The following RTN4IP1 variants were observed in gnomAD, a reference collection of about 807,000 sequenced individuals.
The protein encoded by RTN4IP1 is reticulon 4 interacting protein 1.
A neutral mutation model predicts 46.6 loss-of-function variants in RTN4IP1; 32 were observed. The observed-to-expected ratio is 0.69, with a 90% CI of 0.52 to 0.92. The LOEUF is 0.92. Ranked by LOEUF, RTN4IP1 falls within the 40% of genes least tolerant of loss-of-function variation. The pLI, the probability that RTN4IP1 is intolerant of heterozygous loss-of-function variation, is 0.00. For synonymous variants in RTN4IP1, 167 were observed against 161.8 expected (o/e 1.03, Z -0.24); for missense variants, 424 against 485.8 (o/e 0.87, Z 1.20).
At chr6:106,618,407 T>C (rs1052299193) in intron 4 of RTN4IP1, among the ~76,000 whole-genome samples, 2 of 152,270 alleles carry the variant, frequency 1.3e-5, no homozygotes, top group African/African-American at 2.4e-5. Context: ...GTTTTCTCTA[T>C]GATGGCAACT....
intron 4 of RTN4IP1, among the ~76,000 whole-genome samples, chr6:106,604,488 T>C (rs1320733134): frequency 1.3e-5 from 2 of 152,136 alleles, no homozygotes; most frequent in Non-Finnish European, 2.9e-5. Flanking sequence ...TCTGACCTTC[T>C]CTCACCATCC....
intron 5 of RTN4IP1, 64 bp downstream of exon 5, chr6:106,602,810 A>G: frequency 8.9e-7 from 1 of 1,126,994 alleles, no homozygotes; most frequent in Non-Finnish European, 1.3e-6. Flanking sequence ...GAAATAATGT[A>G]TCTTAATTTA....
At chr6:106,621,529 C>T in intron 2 of RTN4IP1, 36 bp from the exon 3 acceptor site, 1 of 1,586,896 alleles carries the variant, frequency 6.3e-7, no homozygotes, top group Non-Finnish European at 8.7e-7. Context: ...TCATTAGAAA[C>T]ACAGATATTT....
Position 106,629,489 on chromosome 6 carries a change from A to T in RTN4IP1, c.-468T>A, listed in dbSNP as rs901215638. The T allele has an allele frequency of 1.4e-6, 1 of 738,684 alleles. No homozygotes were observed. Among genetic ancestry groups the T allele is most frequent in the African/African-American group, 1.8e-5 (1 of 55,836 alleles). 45.8% of individuals were successfully genotyped at this position (738,684 alleles called of 1,614,324 possible). On this transcript the variant is annotated 5_prime_UTR_variant, in exon 1 of 9. Transcript: ENST00000369063. The stretch of plus-strand genomic sequence containing the variant: ...CTGCCCGCTCTCCTTAGCCGCCGGG[A>T]TGGCTTTGCGGCGCCAACCAATCGC...
intron 1 of RTN4IP1, among the ~76,000 whole-genome samples, chr6:106,627,837 C>A (rs867532954): frequency 3.7e-5 from 5 of 136,674 alleles, no homozygotes; most frequent in Middle Eastern, 4.0e-3. Flanking sequence ...ACTGCAACCT[C>A]CGCCTTCCGG....
chr6:106,621,355 C>G, intron 3 of RTN4IP1, 70 bp downstream of exon 3: 1 of 1,137,106 alleles, frequency 8.8e-7, no homozygotes, highest in Non-Finnish European at 1.3e-6. Context: ...TGAAAAACAC[C>G]AGTTATTTCA....
In RTN4IP1 at chr6:106,572,028, C is replaced by T. The variant is rs202157885; in HGVS notation, c.1159G>A (p.Ala387Thr). The T allele has an allele frequency of 7.3e-5, 117 of 1,613,120 alleles. No homozygotes were observed. Among genetic ancestry groups the T allele is most frequent in the South Asian group, 4.7e-4 (43 of 91,056 alleles). Residue 387 changes from alanine (A) to threonine (T), a missense_variant, in exon 9 of 9, where the codon GCA becomes ACA. Ala to Thr is a moderately conservative substitution (Grantham distance 58). Transcript: ENST00000369063. ...ACATTAATTACAGTCTTTCCTCGTG[C>T]GTGTCCTCTTTCCACCTTCAGGAAG... ...EAFLKVERGH[A>T]RGKTVINVV
chr6:106,600,872 T>C (rs771974254), intron 5 of RTN4IP1, among the ~76,000 whole-genome samples: 3 of 152,138 alleles, frequency 2.0e-5, no homozygotes, highest in Non-Finnish European at 4.4e-5. Context: ...TTCACTATTA[T>C]GAATAATACT....
rs765067680 is a variant in RTN4IP1 at position 106,622,891 on chromosome 6, G to A, written c.353C>T (p.Thr118Ile). ...VKIKGEEFPL[T>I]LGRDVSGVVM... is the part of the protein sequence containing the mutation. ...CACGCCAGAGACATCCCGACCCAGAGTCAGAGGAAATTCTTCTCCTTTGAT... is the reference window on the plus strand; with the variant it reads ...CACGCCAGAGACATCCCGACCCAGAATCAGAGGAAATTCTTCTCCTTTGAT... The change falls in exon 2 of 9, where the codon ACT (threonine) becomes ATT (isoleucine). Residue 118 changes from threonine to isoleucine, a missense_variant. Coordinates refer to ENST00000369063, the MANE Select transcript of RTN4IP1 (RefSeq NM_032730.5). 1 of 1,614,152 alleles carries A rather than the reference G, an allele frequency of 6.2e-7. No individual in the cohort carries two copies. The highest frequency in any genetic ancestry group is 1.1e-5 in the South Asian group (1 of 91,082).
At chr6:106,610,363 G>C (rs1220919525) in intron 4 of RTN4IP1, among the ~76,000 whole-genome samples, 1 of 151,878 alleles carries the variant, frequency 6.6e-6, no homozygotes. Flanking sequence ...CGCACCCGGC[G>C]GCAAAATAAA....
chr6:106,595,347 A>G (rs1775757366), intron 5 of RTN4IP1, among the ~76,000 whole-genome samples: 1 of 152,168 alleles, frequency 6.6e-6, no homozygotes, highest in Admixed American at 6.5e-5. Context: ...AGTGTCTGGC[A>G]AAACTAGAGG....
intron 8 of RTN4IP1, among the ~76,000 whole-genome samples, chr6:106,575,414 C>T (rs1289582198): frequency 1.3e-5 from 2 of 152,256 alleles, no homozygotes; most frequent in Admixed American, 1.3e-4. Context: ...TGCCTGACAT[C>T]ACTTCTGTGA....
At position 106,592,269 on chromosome 6, in the gene RTN4IP1, G is replaced by A. The variant is rs370294736; in HGVS notation, c.701C>T (p.Ala234Val). ...VMKAWDAHVTAVCSQDASELV... is the reference protein window; with the variant it reads ...VMKAWDAHVTVVCSQDASELV... ...TTCACTGGCATCTTGGGAGCAAACT[G>A]CTGTCACATGAGCATCCCATGCTTT... Residue 234 changes from alanine to valine, a missense_variant, in exon 6 of 9, where the codon GCA becomes GTA. Ala to Val is a moderately conservative substitution (Grantham distance 64, BLOSUM62 0). Transcript: ENST00000369063. 17 of 1,613,800 alleles carry A rather than the reference G, an allele frequency of 1.1e-5. No individual in the cohort carries two copies. Among genetic ancestry groups the A allele is most frequent in the Middle Eastern group, 1.6e-4 (1 of 6,084 alleles).
chr6:106,629,233 G>C lies in RTN4IP1; in HGVS notation c.-212C>G. 1 of 579,816 alleles carries C rather than the reference G, an allele frequency of 1.7e-6. No individual in the cohort carries two copies. The highest frequency in any genetic ancestry group is 4.5e-4 in the Middle Eastern group (1 of 2,202). 35.9% of individuals were successfully genotyped at this position (579,816 alleles called of 1,614,324 possible). On this transcript the variant is annotated 5_prime_UTR_variant, in exon 1 of 9. Transcript: ENST00000369063. ...TCCGCTCTTCGCATATGAAATGCTC[G>C]AATTAACGTTCCAGTCAGTATTCTG...
intron 4 of RTN4IP1, among the ~76,000 whole-genome samples, chr6:106,616,150 C>A (rs999002533): frequency 1.5e-4 from 23 of 152,314 alleles, no homozygotes; most frequent in African/African-American, 5.3e-4. Context: ...ATCTCCTGAC[C>A]TCTTGATCCA....
chr6:106,583,667 T>C, intron 7 of RTN4IP1: 1 of 403,448 alleles, frequency 2.5e-6, no homozygotes, highest in Non-Finnish European at 4.7e-6. Context: ...AAACTGTAAC[T>C]GAAGAACAAG....
At chr6:106,605,636 A>C (rs1051203112) in intron 4 of RTN4IP1, among the ~76,000 whole-genome samples, 1 of 151,754 alleles carries the variant, frequency 6.6e-6, no homozygotes, top group Non-Finnish European at 1.5e-5. Context: ...ACATGGTGAA[A>C]TCCTGTCTCT....
At chr6:106,621,235 G>A (rs1229879521) in intron 3 of RTN4IP1, among the ~76,000 whole-genome samples, 190 bp downstream of exon 3, 1 of 152,172 alleles carries the variant, frequency 6.6e-6, no homozygotes, top group South Asian at 2.1e-4. Flanking sequence ...AAACAGCTAC[G>A]TTAGCAGGCA....
chr6:106,599,088 ATAG>A (rs1775878710), intron 5 of RTN4IP1, among the ~76,000 whole-genome samples: 1 of 151,744 alleles, frequency 6.6e-6, no homozygotes, highest in Non-Finnish European at 1.5e-5. Context: ...TTGCTTTGAA[ATAG>A]TAGGTGACAT....
Sources: gnomAD v4.1 joint callset for allele counts (sites outside exome capture counted in the v4.1 genomes callset) on GRCh38, gnomAD v4.1.1 for gene constraint, MANE v1.5 for transcripts, NCBI Gene and HGNC (gene_info 2026-07-23, HGNC 2026-07-21) for gene names.